NT5DC1: variants seen among roughly 807,000 people sequenced by gnomAD.
The protein encoded by NT5DC1 is 5'-nucleotidase domain-containing protein 1.
In NT5DC1, 42 loss-of-function variants were observed where a neutral mutation model predicts 59.4. The observed-to-expected ratio is 0.71, with a 90% CI of 0.55 to 0.92. The LOEUF (loss-of-function observed/expected upper bound fraction) is 0.92, where lower values mean the gene tolerates loss of function less well. Among genes scored for constraint, NT5DC1 ranks in the 40% least tolerant of loss-of-function variants. The pLI is 0.00. For synonymous variants in NT5DC1, 172 were observed against 188.1 expected, an observed-to-expected ratio of 0.91 and a Z score of 0.70; for missense variants, 501 against 537.1, an observed-to-expected ratio of 0.93 and a Z score of 0.66.
At chr6:116,128,686 T>C (rs890120368) in intron 6 of NT5DC1, among the ~76,000 whole-genome samples, 1 of 152,152 alleles carries the variant, frequency 6.6e-6, no homozygotes, top group Non-Finnish European at 1.5e-5. Context: ...GTTTACACAG[T>C]GGTTCTCAGC....
chr6:116,224,821 A>G (rs969434642), intron 8 of NT5DC1, among the ~76,000 whole-genome samples: 7 of 152,192 alleles, frequency 4.6e-5, no homozygotes, highest in African/African-American at 1.7e-4. Flanking sequence ...GAAGAGTGAT[A>G]TAAGAGACTA....
At chr6:116,190,414 A>G (rs1176496670) in intron 6 of NT5DC1, among the ~76,000 whole-genome samples, 1 of 151,904 alleles carries the variant, frequency 6.6e-6, no homozygotes, top group East Asian at 1.9e-4. Flanking sequence ...AACAGAGGGG[A>G]AATGTGGATA....
chr6:116,243,936 G>C lies in NT5DC1; in HGVS notation c.1280G>C (p.Arg427Thr). 6.4e-7 allele frequency: 1 copy of C among 1,561,012 alleles called. No individual in the cohort carries two copies. Among genetic ancestry groups the C allele is most frequent in the Non-Finnish European group, 8.8e-7 (1 of 1,138,070 alleles). Residue 427 changes from arginine to threonine, a missense_variant, in exon 12 of 12, where the codon AGA becomes ACA. Physicochemically the swap from Arg to Thr is moderately conservative, Grantham distance 71. Coordinates refer to ENST00000319550, the MANE Select transcript of NT5DC1 (RefSeq NM_152729.3). ...TTACCTCTGGACTACAAATTTACAA[G>C]ATTCTCTTCAAGCAATTCAAAAACA... ...AELPLDYKFT[R>T]FSSSNSKTAG...
intron 6 of NT5DC1, among the ~76,000 whole-genome samples, chr6:116,208,669 C>T (rs778714516): frequency 1.3e-5 from 2 of 151,982 alleles, no homozygotes; most frequent in Non-Finnish European, 2.9e-5. Context: ...AAAATATTAC[C>T]AGTGGTGGCT....
chr6:116,190,029 G>T (rs551322993), intron 6 of NT5DC1, among the ~76,000 whole-genome samples: 1 of 152,042 alleles, frequency 6.6e-6, no homozygotes, highest in East Asian at 1.9e-4. Context: ...TTTAATGTGG[G>T]CAGATTATTT....
chr6:116,218,764 G>T (rs1376319625), intron 6 of NT5DC1, among the ~76,000 whole-genome samples: 13 of 151,876 alleles, frequency 8.6e-5, no homozygotes, highest in Admixed American at 1.3e-4. Flanking sequence ...TTTGTTTTTG[G>T]TCTTCTAAAT....
In NT5DC1 at chr6:116,110,617, G is replaced by A. The variant is rs150748851; in HGVS notation, c.258-233G>A. ...GGTATCTTATCCAGTGTTGACCTCA[G>A]AGTGAGTATCTCCTAATCACCTGCT... On this transcript the variant is annotated intron_variant, in intron 3 of 11. Coordinates refer to ENST00000319550, the MANE Select transcript of NT5DC1 (RefSeq NM_152729.3). The A allele has an allele frequency of 6.4e-5, 39 of 608,920 alleles. No homozygotes were observed. In the East Asian group the frequency reaches 1.1e-3, roughly 17 times the overall value. The allele number at this position is 608,920 out of a possible 1,614,324, so 37.7% of individuals were successfully genotyped here.
At chr6:116,192,577 T>C (rs372320914) in intron 6 of NT5DC1, among the ~76,000 whole-genome samples, 2 of 152,196 alleles carry the variant, frequency 1.3e-5, no homozygotes, top group East Asian at 1.9e-4. Context: ...TTTCTTTTGA[T>C]ATAAAGTCAA....
chr6:116,118,563 A>G (rs1779013285), intron 6 of NT5DC1, among the ~76,000 whole-genome samples: 1 of 139,966 alleles, frequency 7.1e-6, no homozygotes, highest in South Asian at 2.2e-4. Context: ...CTTGGAAAAA[A>G]TGTTGCCTTG....
At chr6:116,237,507 A>T (rs746557853) in intron 9 of NT5DC1, 2 of 457,530 alleles carry the variant, frequency 4.4e-6, no homozygotes, top group South Asian at 3.1e-5. Context: ...GGGGTAACAG[A>T]GCCCTGCTCC....
rs558704595 is a variant in NT5DC1, at chr6:116,121,251, T to C, written c.529+3306T>C. ...CCAGGAGGCCCTGGGGGCCCAGCTA[T>C]TCCTGGAGCCCCAGGGAGACCTTTT... On this transcript the variant is annotated intron_variant, in intron 6 of 11. Coordinates refer to ENST00000319550, the MANE Select transcript of NT5DC1 (RefSeq NM_152729.3). 5.6e-5 allele frequency: 90 copies of C among 1,613,786 alleles called. No individual in the cohort carries two copies. In the South Asian group the frequency reaches 9.1e-4, roughly 16 times the overall value.
chr6:116,138,430 T>C (rs1425676642), intron 6 of NT5DC1, among the ~76,000 whole-genome samples: 1 of 152,324 alleles, frequency 6.6e-6, no homozygotes, highest in South Asian at 2.1e-4. Context: ...TACGTCTGCT[T>C]TCCAAACCAT....
At chr6:116,126,578 AAT>A (rs771867723) in intron 6 of NT5DC1, among the ~76,000 whole-genome samples, 8 of 152,168 alleles carry the variant, frequency 5.3e-5, no homozygotes, top group Non-Finnish European at 1.2e-4. Context: ...TAAAGTTATC[AAT>A]GTGTCTATTA....
rs572527319 is a variant in NT5DC1, at chr6:116,197,663, G to A, written c.530-23391G>A. Among the ~76,000 whole-genome samples, 55 of 152,028 alleles carry A rather than the reference G, an allele frequency of 3.6e-4. 1 individual carries two copies. The highest frequency in any genetic ancestry group is 1.3e-3 in the African/African-American group (54 of 41,512). ...CTCTACTTTTTGATTGTTTAGCATTGGCCAATTGACACAATTACTTTTAAG... is the reference window on the plus strand; with the variant it reads ...CTCTACTTTTTGATTGTTTAGCATTAGCCAATTGACACAATTACTTTTAAG... On this transcript the variant is annotated intron_variant, in intron 6 of 11. Coordinates refer to ENST00000319550, the MANE Select transcript of NT5DC1 (RefSeq NM_152729.3).
intron 10 of NT5DC1, 52 bp downstream of exon 10, chr6:116,238,400 A>C (rs768831242): frequency 1.5e-6 from 2 of 1,360,496 alleles, no homozygotes; most frequent in South Asian, 3.4e-5. Flanking sequence ...TATGTTTGAA[A>C]GCTAAAGTAT....
rs561638503 is a variant in NT5DC1, at chr6:116,245,365, G to A, written c.*1341G>A. ...ATTGAAGTGCAGAATTTGGCATATC[G>A]ATGCATGCAATGGAAAGAAAAAAAA... is the stretch of plus-strand genomic sequence containing the variant. On this transcript the variant is annotated 3_prime_UTR_variant, in exon 12 of 12. Transcript: ENST00000319550. 1.3e-5 allele frequency: 2 copies of A among 152,492 alleles called. No individual in the cohort carries two copies. Among genetic ancestry groups the A allele is most frequent in the South Asian group, 2.1e-4 (1 of 4,822 alleles). The allele number at this position is 152,492 out of a possible 1,614,324, so 9.4% of individuals were successfully genotyped here. A position where few individuals can be genotyped will look rare whatever the true frequency, so the allele number is the denominator to read the frequency against.
chr6:116,230,849 A>T (rs1782005001), intron 8 of NT5DC1, among the ~76,000 whole-genome samples: 1 of 152,142 alleles, frequency 6.6e-6, no homozygotes, highest in Non-Finnish European at 1.5e-5. Context: ...GTCTGCAGGA[A>T]TCTTTCTGTC....
intron 6 of NT5DC1, among the ~76,000 whole-genome samples, chr6:116,196,107 A>G (rs543421612): frequency 6.6e-6 from 1 of 152,090 alleles, no homozygotes; most frequent in African/African-American, 2.4e-5. Context: ...TCCTGACATC[A>G]TGCTATCCAC....
intron 6 of NT5DC1, chr6:116,122,094 T>C (rs1380555764): frequency 3.4e-6 from 3 of 887,532 alleles, no homozygotes; most frequent in East Asian, 4.9e-5. Context: ...CAGAACAGTC[T>C]GAAATGGTTT....
Sources: gnomAD v4.1 joint callset for allele counts (sites outside exome capture counted in the v4.1 genomes callset) on GRCh38, gnomAD v4.1.1 for gene constraint, MANE v1.5 for transcripts, NCBI Gene and HGNC (gene_info 2026-07-23, HGNC 2026-07-21) for gene names.